Variants in SEMA7A observed in about 807,000 individuals in gnomAD.
SEMA7A encodes the protein semaphorin-7A.
Under a neutral mutation model 67.5 loss-of-function variants are expected in SEMA7A, and 21 were observed. That is an observed-to-expected ratio of 0.31 (90% CI 0.22 to 0.45). The LOEUF (loss-of-function observed/expected upper bound fraction) is 0.45, where lower values mean the gene tolerates loss of function less well. Ranked by LOEUF, SEMA7A falls within the 20% of genes least tolerant of loss-of-function variation. SEMA7A has a pLI of 1.00. For synonymous variants in SEMA7A, 364 were observed against 368.5 expected (o/e 0.99, Z 0.14); for missense variants, 774 against 908.6 (o/e 0.85, Z 1.90).
chr15:74,426,002 G>A (rs2061040900), intron 1 of SEMA7A, among the ~76,000 whole-genome samples: 1 of 152,234 alleles, frequency 6.6e-6, no homozygotes, highest in Non-Finnish European at 1.5e-5. Flanking sequence ...GCCAGGCACA[G>A]TGGGTCATGC....
At chr15:74,428,432 A>G (rs368795394) in intron 1 of SEMA7A, among the ~76,000 whole-genome samples, 94 of 152,300 alleles carry the variant, frequency 6.2e-4, no homozygotes, top group African/African-American at 2.2e-3. Context: ...TCTGAGCCTC[A>G]GTTTCCCCAT....
intron 1 of SEMA7A, 87 bp downstream of exon 1, chr15:74,433,654 A>C: frequency 7.6e-7 from 1 of 1,312,876 alleles, no homozygotes. Flanking sequence ...AGCTGCGCGC[A>C]CGCACTCCCT....
Position 74,433,825 on chromosome 15 carries a change from G to T in SEMA7A, c.94C>A (p.Arg32=). 2.2e-6 allele frequency: 3 copies of T among 1,363,226 alleles called. No homozygotes were observed. The highest frequency in any genetic ancestry group is 2.8e-6 in the Non-Finnish European group (3 of 1,062,694). The allele number at this position is 1,363,226 out of a possible 1,614,324, so 84.4% of individuals were successfully genotyped here. The part of the protein sequence containing the change: ...PARLGLPLRL[R]LLLLLWAAAA... The stretch of plus-strand genomic sequence containing the variant: ...GCCGCCCAGAGCAGCAGCAGCAGCC[G>T]CAGCCGCAGCGGAAGCCCCAACCGA... The change falls in exon 1 of 14, where the codon CGG becomes AGG. Residue 32 remains arginine, a synonymous_variant. Coordinates refer to ENST00000261918, the MANE Select transcript of SEMA7A (RefSeq NM_003612.5).
chr15:74,411,740 CG>C lies in SEMA7A; in HGVS notation c.1423-31del. ...AAGGACAGCAGGATTGGGTCAGGCCCGGGCCCCACCCCACACTCAGTCCTAA... is the reference window on the plus strand; with the variant it reads ...AAGGACAGCAGGATTGGGTCAGGCCCGGCCCCACCCCACACTCAGTCCTAA... On this transcript the variant is annotated intron_variant, in intron 11 of 13. Coordinates refer to ENST00000261918, the MANE Select transcript of SEMA7A (RefSeq NM_003612.5). This position sits in a 1 kb window ranked among gnomAD's most constrained non-coding sequence, Gnocchi z 4.4. 1 of 1,609,592 alleles carries C rather than the reference CG, an allele frequency of 6.2e-7. No individual in the cohort carries two copies.
At chr15:74,420,817 C>T (rs911415204) in intron 1 of SEMA7A, among the ~76,000 whole-genome samples, 5 of 152,250 alleles carry the variant, frequency 3.3e-5, no homozygotes. Flanking sequence ...CCTCCTGCTC[C>T]CCTCCCATCC....
chr15:74,427,421 C>A, intron 1 of SEMA7A: 1 of 983,550 alleles, frequency 1.0e-6, no homozygotes, highest in Non-Finnish European at 1.2e-6. Context: ...CCTTCCTCGA[C>A]AGGCTGGGCC....
chr15:74,431,086 G>A (rs1203168134), intron 1 of SEMA7A, among the ~76,000 whole-genome samples: 1 of 152,044 alleles, frequency 6.6e-6, no homozygotes, highest in Non-Finnish European at 1.5e-5. Context: ...GCTTACAAAC[G>A]CATGCCAACC....
chr15:74,433,688 CG>C, intron 1 of SEMA7A, 52 bp downstream of exon 1: 1 of 1,375,108 alleles, frequency 7.3e-7, no homozygotes, highest in Non-Finnish European at 9.3e-7. Flanking sequence ...ACTCCGCACC[CG>C]CCCCGCGCAG....
In SEMA7A at chr15:74,432,521, C is replaced by G. The variant is rs1378038074; in HGVS notation, c.178+1220G>C. Reference sequence around the variant, plus strand: ...CAGAGCCCCTGCCTGCACCTGGGCTCCCACACTGCTCAGTGACCTTGGGCA... The same window carrying G: ...CAGAGCCCCTGCCTGCACCTGGGCTGCCACACTGCTCAGTGACCTTGGGCA... On this transcript the variant is annotated intron_variant, in intron 1 of 13. Coordinates refer to ENST00000261918, the MANE Select transcript of SEMA7A (RefSeq NM_003612.5). 2.0e-5 allele frequency among the ~76,000 whole-genome samples: 3 copies of G among 152,230 alleles called. No individual in the cohort carries two copies. In the South Asian group the frequency reaches 6.2e-4, roughly 31 times the overall value.
At chr15:74,417,047 A>G (rs1255091346) in intron 6 of SEMA7A, among the ~76,000 whole-genome samples, 1 of 152,090 alleles carries the variant, frequency 6.6e-6, no homozygotes, top group Non-Finnish European at 1.5e-5. Context: ...GGCTGCCTCC[A>G]CGTGAACTCA....
In SEMA7A at chr15:74,410,560, G is replaced by A. The variant is rs1272099152; in HGVS notation, c.*64C>T. ...AGGAGCTCCCGGGCCAGCCGGCTCT[G>A]AGTGTGAGACGTTCTAGTGCCCTGG... On this transcript the variant is annotated 3_prime_UTR_variant, in exon 14 of 14. Coordinates refer to ENST00000261918, the MANE Select transcript of SEMA7A (RefSeq NM_003612.5). The surrounding 1 kb of genome is among the most constrained non-coding windows in gnomAD (Gnocchi z 7.5). The A allele has an allele frequency of 2.6e-6, 4 of 1,516,532 alleles. No individual in the cohort carries two copies. The highest frequency in any genetic ancestry group is 3.5e-6 in the Non-Finnish European group (4 of 1,132,534). 93.9% of individuals were successfully genotyped at this position (1,516,532 alleles called of 1,614,324 possible).
At chr15:74,412,909 T>C (rs971400718) in intron 10 of SEMA7A, among the ~76,000 whole-genome samples, 11 of 152,228 alleles carry the variant, frequency 7.2e-5, no homozygotes, top group Non-Finnish European at 1.5e-5. Context: ...CCGAGCTGCC[T>C]GCCTCCTAGA....
intron 1 of SEMA7A, among the ~76,000 whole-genome samples, chr15:74,421,399 G>A (rs376327856): frequency 6.6e-6 from 1 of 152,310 alleles, no homozygotes. Context: ...AATCCCATGC[G>A]GATCTGCAAG....
intron 1 of SEMA7A, among the ~76,000 whole-genome samples, chr15:74,428,806 G>A (rs2061063109): frequency 6.6e-6 from 1 of 152,232 alleles, no homozygotes; most frequent in Non-Finnish European, 1.5e-5. Flanking sequence ...CAAGGCCAGG[G>A]CCAGGGAGAA....
Position 74,433,949 on chromosome 15 carries a change from AG to A in SEMA7A, c.-32del. ...GGCCCCGGGAGCGACAGCGGCAATC[AG>A]CCGAGACTGAGCCAGCGCCCGGCCG... On this transcript the variant is annotated 5_prime_UTR_variant, in exon 1 of 14. Coordinates refer to ENST00000261918, the MANE Select transcript of SEMA7A (RefSeq NM_003612.5). 1 of 1,237,382 alleles carries A rather than the reference AG, an allele frequency of 8.1e-7. No homozygotes were observed. The highest frequency in any genetic ancestry group is 1.0e-6 in the Non-Finnish European group (1 of 992,108). The allele number at this position is 1,237,382 out of a possible 1,614,324, so 76.7% of individuals were successfully genotyped here.
At position 74,410,698 on chromosome 15, in the gene SEMA7A, G is replaced by C. The variant is rs747740978; in HGVS notation, c.1927C>G (p.His643Asp). 2.5e-6 allele frequency: 4 copies of C among 1,613,512 alleles called. No homozygotes were observed. The South Asian group carries it at 3.3e-5, about 13-fold the overall frequency. ...AGGGAGGCGGCCAGGGCACAGGCAT[G>C]ACCCAGCAGGTGCTCGGCCATGATG... is the stretch of plus-strand genomic sequence containing the variant. ...DGIMAEHLLG[H>D]ACALAASLWL... The change falls in exon 14 of 14, where the codon CAT (histidine) becomes GAT (aspartate). Residue 643 changes from histidine to aspartate, a missense_variant. By Grantham distance (81) the His-to-Asp change is moderately conservative. Coordinates refer to ENST00000261918, the MANE Select transcript of SEMA7A (RefSeq NM_003612.5). The surrounding 1 kb of genome is among the most constrained non-coding windows in gnomAD (Gnocchi z 7.5).
At position 74,414,225 on chromosome 15, in the gene SEMA7A, G is replaced by T. The variant is rs149914723; in HGVS notation, c.1294+322C>A. 5.4e-3 allele frequency among the ~76,000 whole-genome samples: 815 copies of T among 152,224 alleles called. 8 individuals carry two copies. Among genetic ancestry groups the T allele is most frequent in the African/African-American group, 0.019 (781 of 41,548 alleles). ...CAGGCCCCTCCTCCTCATTTGCCACGTCTCTTCCTACCATCTTCTTCCCTG... is the reference window on the plus strand; with the variant it reads ...CAGGCCCCTCCTCCTCATTTGCCACTTCTCTTCCTACCATCTTCTTCCCTG... On this transcript the variant is annotated intron_variant, in intron 10 of 13. Transcript: ENST00000261918. The surrounding 1 kb of genome is among the most constrained non-coding windows in gnomAD (Gnocchi z 4.1).
At chr15:74,417,747 C>T (rs1311945799) in intron 4 of SEMA7A, 72 bp from the exon 5 acceptor site, 15 of 1,542,966 alleles carry the variant, frequency 9.7e-6, no homozygotes, top group Middle Eastern at 3.4e-4. Context: ...GCCAGTTTCT[C>T]GGCCAGGAGC....
chr15:74,416,001 G>A lies in SEMA7A; in HGVS notation c.802-16C>T, dbSNP rs1469562140. The A allele has an allele frequency of 6.2e-6, 10 of 1,611,796 alleles. No individual in the cohort carries two copies. In the Admixed American group the frequency reaches 8.3e-5, roughly 13 times the overall value. On this transcript the variant is annotated splice_polypyrimidine_tract_variant and intron_variant, in intron 7 of 13. Transcript: ENST00000261918. ...CCTGGTCCCCCTGGAAGGGTAGAGG[G>A]GAGAAGAGGCCCCTCAGCACCTGCC...
Sources: gnomAD v4.1 joint callset for allele counts (sites outside exome capture counted in the v4.1 genomes callset) on GRCh38, gnomAD v4.1.1 for gene constraint, Gnocchi (gnomAD v3.1) non-coding constraint, MANE v1.5 for transcripts, NCBI Gene and HGNC (gene_info 2026-07-23, HGNC 2026-07-21) for gene names.